The following SHISA6 variants were observed in gnomAD, a reference collection of about 807,000 sequenced individuals.
SHISA6 encodes the protein shisa family member 6, also known as protein shisa-6.
SHISA6 carries 22 observed loss-of-function variants against 47.9 expected under a neutral mutation model. The observed-to-expected ratio is 0.46, with a 90% CI of 0.33 to 0.66. The LOEUF (loss-of-function observed/expected upper bound fraction) is 0.66, where lower values mean the gene tolerates loss of function less well. Ranked by LOEUF, SHISA6 falls within the 30% of genes least tolerant of loss-of-function variation. The pLI is 0.02. For missense variants in SHISA6, 680 were observed against 764.6 expected (o/e 0.89, Z 1.30); for synonymous variants, 388 against 337.8 (o/e 1.15, Z -1.63).
intron 3 of SHISA6, among the ~76,000 whole-genome samples, chr17:11,464,477 G>A (rs980341294): frequency 1.3e-5 from 2 of 152,090 alleles, no homozygotes; most frequent in Admixed American, 6.6e-5. Flanking sequence ...AGTGAAACTG[G>A]CCACCTCTGC....
intron 3 of SHISA6, among the ~76,000 whole-genome samples, chr17:11,534,429 C>G (rs928837856): frequency 6.6e-6 from 1 of 152,090 alleles, no homozygotes; most frequent in Non-Finnish European, 1.5e-5. Context: ...TTTATCCACT[C>G]AATGGATGCA....
chr17:11,241,683 G>A lies in SHISA6; in HGVS notation c.261G>A (p.Ala87=), dbSNP rs1190905568. Residue 87 remains alanine (A), a synonymous_variant, in exon 1 of 6, where the codon GCG becomes GCA. Coordinates refer to ENST00000441885, the MANE Select transcript of SHISA6 (RefSeq NM_207386.4). The surrounding 1 kb of genome is among the most constrained non-coding windows in gnomAD (Gnocchi z 5.5). ...PAAAVAAAAS[A]AVTYETCWGY... The stretch of plus-strand genomic sequence containing the variant: ...CGGCTGTGGCGGCGGCGGCCAGCGC[G>A]GCCGTCACCTACGAGACGTGCTGGG... The A allele has an allele frequency of 2.0e-6, 3 of 1,491,744 alleles. No individual in the cohort carries two copies. Among genetic ancestry groups the A allele is most frequent in the Admixed American group, 2.2e-5 (1 of 45,166 alleles). 92.4% of individuals were successfully genotyped at this position (1,491,744 alleles called of 1,614,324 possible). A position where few individuals can be genotyped will look rare whatever the true frequency, so the allele number is the denominator to read the frequency against.
intron 3 of SHISA6, among the ~76,000 whole-genome samples, chr17:11,544,683 G>A (rs1479856390): frequency 5.3e-5 from 8 of 152,060 alleles, no homozygotes; most frequent in Admixed American, 3.3e-4. Context: ...TATGCAGGCC[G>A]GGTGCGGTGG....
At chr17:11,330,056 C>T (rs939567070) in intron 2 of SHISA6, among the ~76,000 whole-genome samples, 12 of 152,188 alleles carry the variant, frequency 7.9e-5, no homozygotes, top group Admixed American at 2.0e-4. Context: ...AGAATATGGC[C>T]GCCAGCAAGT....
intron 3 of SHISA6, among the ~76,000 whole-genome samples, chr17:11,544,594 C>T (rs116583584): frequency 0.01 from 1,548 of 152,246 alleles, 40 homozygotes; most frequent in African/African-American, 0.035. Flanking sequence ...GAAACTGGAT[C>T]ACTCATTCAT....
intron 1 of SHISA6, among the ~76,000 whole-genome samples, chr17:11,261,960 T>C (rs796239517): frequency 6.6e-6 from 1 of 152,230 alleles, no homozygotes; most frequent in Non-Finnish European, 1.5e-5. Flanking sequence ...CCAATTTCTC[T>C]ACCTCCTTGC....
chr17:11,472,601 T>G (rs1380530009), intron 3 of SHISA6, among the ~76,000 whole-genome samples: 1 of 152,222 alleles, frequency 6.6e-6, no homozygotes, highest in Non-Finnish European at 1.5e-5. Flanking sequence ...CTTCTAAGTT[T>G]TGGTAACTAA....
At chr17:11,389,419 A>C (rs117034814) in intron 3 of SHISA6, among the ~76,000 whole-genome samples, 2,822 of 152,250 alleles carry the variant, frequency 0.019, 38 homozygotes, top group Middle Eastern at 0.037. Context: ...GCATAGCTGG[A>C]TCTCCCATGG....
intron 2 of SHISA6, among the ~76,000 whole-genome samples, chr17:11,334,519 T>C (rs751144152): frequency 8.5e-5 from 13 of 152,270 alleles, no homozygotes; most frequent in Non-Finnish European, 1.5e-4. Flanking sequence ...ACACAACTTA[T>C]CTAGCTCTGC....
chr17:11,449,066 T>C (rs944192030), intron 3 of SHISA6, among the ~76,000 whole-genome samples: 2 of 152,228 alleles, frequency 1.3e-5, no homozygotes, highest in Non-Finnish European at 2.9e-5. Flanking sequence ...GATTTTTGTA[T>C]GATACACATT....
rs1480868384 is a variant in SHISA6 at position 11,265,887 on chromosome 17, G to A, written c.799+2361G>A. ...TATACCTCGTCTCTTCTAGTGAGCT[G>A]AGAAGGAAAGCTTCCAGTTACATGA... On this transcript the variant is annotated intron_variant, in intron 2 of 5. Coordinates refer to ENST00000441885, the MANE Select transcript of SHISA6 (RefSeq NM_207386.4). Among the ~76,000 whole-genome samples, 6 of 152,278 alleles carry A rather than the reference G, an allele frequency of 3.9e-5. No individual in the cohort carries two copies. In the East Asian group the frequency reaches 1.2e-3, roughly 29 times the overall value.
At chr17:11,418,466 C>T (rs1341980279) in intron 3 of SHISA6, among the ~76,000 whole-genome samples, 1 of 152,160 alleles carries the variant, frequency 6.6e-6, no homozygotes, top group Non-Finnish European at 1.5e-5. Context: ...CCCTGCCCCT[C>T]AACAGCACTT....
chr17:11,406,278 CT>C (rs1913957185), intron 3 of SHISA6, among the ~76,000 whole-genome samples: 1 of 152,204 alleles, frequency 6.6e-6, no homozygotes, highest in Non-Finnish European at 1.5e-5. Flanking sequence ...CTCCCTGGTC[CT>C]TCCCTAAGAA....
intron 2 of SHISA6, among the ~76,000 whole-genome samples, chr17:11,333,649 G>A (rs1189986918): frequency 6.6e-6 from 1 of 152,044 alleles, no homozygotes; most frequent in Admixed American, 6.6e-5. Flanking sequence ...CAAGTAGCTG[G>A]GATTACAGAT....
intron 3 of SHISA6, among the ~76,000 whole-genome samples, chr17:11,488,447 T>C (rs1431179347): frequency 6.6e-6 from 1 of 152,178 alleles, no homozygotes; most frequent in African/African-American, 2.4e-5. Context: ...CTACTTATAT[T>C]ACTAAGGACT....
intron 2 of SHISA6, among the ~76,000 whole-genome samples, chr17:11,355,458 A>T (rs1912050116): frequency 6.6e-6 from 1 of 152,184 alleles, no homozygotes; most frequent in African/African-American, 2.4e-5. Context: ...TCAAGAGATT[A>T]TGGGAATAAA....
chr17:11,484,239 G>A (rs1916288854), intron 3 of SHISA6, among the ~76,000 whole-genome samples: 1 of 152,142 alleles, frequency 6.6e-6, no homozygotes, highest in Admixed American at 6.5e-5. Context: ...TTAAATAAAA[G>A]CAGAATTGAT....
intron 3 of SHISA6, among the ~76,000 whole-genome samples, chr17:11,406,668 C>G (rs546630700): frequency 6.6e-6 from 1 of 152,202 alleles, no homozygotes; most frequent in East Asian, 1.9e-4. Context: ...ATGCTACTTT[C>G]TGAGCACAAT....
At chr17:11,332,203 C>T (rs1427795834) in intron 2 of SHISA6, among the ~76,000 whole-genome samples, 3 of 151,430 alleles carry the variant, frequency 2.0e-5, no homozygotes, top group Non-Finnish European at 2.9e-5. Context: ...AAATGTTACC[C>T]GTCTCATTGG....
Sources: gnomAD v4.1 joint callset for allele counts (sites outside exome capture counted in the v4.1 genomes callset) on GRCh38, gnomAD v4.1.1 for gene constraint, Gnocchi (gnomAD v3.1) non-coding constraint, MANE v1.5 for transcripts, NCBI Gene and HGNC (gene_info 2026-07-23, HGNC 2026-07-21) for gene names.